DCDC2: variants seen among roughly 807,000 people sequenced by gnomAD.
DCDC2 encodes doublecortin domain-containing protein 2.
DCDC2 carries 40 observed loss-of-function variants against 50.2 expected under a neutral mutation model. The ratio of observed to expected loss-of-function variants is 0.80; its 90% CI spans 0.62 to 1.04. The LOEUF (loss-of-function observed/expected upper bound fraction) is 1.04. Ranked by LOEUF, DCDC2 falls within the 50% of genes least tolerant of loss-of-function variation. DCDC2 has a pLI of 0.00. For missense variants in DCDC2, 570 were observed against 581.9 expected (o/e 0.98, Z 0.21); for synonymous variants, 234 against 210.6 (o/e 1.11, Z -0.96).
chr6:24,302,240 A>G (rs988114835), intron 2 of DCDC2, among the ~76,000 whole-genome samples, 196 bp from the exon 3 acceptor site: 3 of 151,686 alleles, frequency 2.0e-5, no homozygotes, highest in Non-Finnish European at 4.4e-5. Flanking sequence ...AAAGCTCTCA[A>G]GAAAAGAAAG....
At chr6:24,359,826 CT>C (rs1170340115), upstream of DCDC2, among the ~76,000 whole-genome samples, 8 of 152,282 alleles carry the variant, frequency 5.3e-5, no homozygotes, top group East Asian at 3.9e-4. Context: ...TCTAGGACCC[CT>C]AACCCCCTCC....
chr6:24,174,861 G>A, intron 9 of DCDC2, 27 bp from the exon 10 acceptor site: 3 of 1,481,180 alleles, frequency 2.0e-6, no homozygotes, highest in Non-Finnish European at 2.8e-6. Flanking sequence ...CAAAACAAAG[G>A]TATTCAGCTG....
chr6:24,259,058 C>T (rs1039501557), intron 7 of DCDC2, among the ~76,000 whole-genome samples: 5 of 152,252 alleles, frequency 3.3e-5, no homozygotes, highest in Non-Finnish European at 5.9e-5. Context: ...GAACTCCTCT[C>T]CTCTTCCCCC....
At chr6:24,192,374 A>G (rs1290812588) in intron 8 of DCDC2, among the ~76,000 whole-genome samples, 1 of 151,732 alleles carries the variant, frequency 6.6e-6, no homozygotes, top group African/African-American at 2.4e-5. Flanking sequence ...ATCACCCTAC[A>G]GGACACCTCC....
intron 2 of DCDC2, among the ~76,000 whole-genome samples, chr6:24,331,323 CAG>C (rs1759961661): frequency 3.3e-5 from 5 of 149,312 alleles, no homozygotes; most frequent in African/African-American, 5.0e-5. Flanking sequence ...AATTCAGAGA[CAG>C]AGTCTTGCTC....
At chr6:24,359,661 C>T (rs974979710), upstream of DCDC2, among the ~76,000 whole-genome samples, 3 of 146,624 alleles carry the variant, frequency 2.0e-5, no homozygotes, top group African/African-American at 7.6e-5. Flanking sequence ...CTTTGGGAAA[C>T]TGAGGCAGGA....
At chr6:24,274,827 A>C (rs1763317785) in intron 7 of DCDC2, among the ~76,000 whole-genome samples, 1 of 151,844 alleles carries the variant, frequency 6.6e-6, no homozygotes, top group African/African-American at 2.4e-5. Flanking sequence ...CTTTTTTTCT[A>C]ATTCAAATGA....
At chr6:24,382,005 A>AGGCAGGC in the DCDC2 span, among the ~76,000 whole-genome samples, 1,212 of 103,868 alleles carry the variant, frequency 0.012, 13 homozygotes, top group East Asian at 0.058. Context: ...GGAAGGAAGG[A>AGGCAGGC]AGGAAGGCAG....
chr6:24,213,397 C>G (rs1761918543), intron 7 of DCDC2, among the ~76,000 whole-genome samples: 1 of 151,900 alleles, frequency 6.6e-6, no homozygotes, highest in Admixed American at 6.6e-5. Context: ...CAGCATGGTA[C>G]TGGCAAAAAA....
At position 24,178,554 on chromosome 6, in the gene DCDC2, C is replaced by CT; in HGVS notation, c.1101dup (p.Gly368ArgfsTer5). 1 of 1,614,174 alleles carries CT rather than the reference C, an allele frequency of 6.2e-7. No individual in the cohort carries two copies. Among genetic ancestry groups the CT allele is most frequent in the South Asian group, 1.1e-5 (1 of 91,088 alleles). ...TCCTCTTCAAGGTCACCATTCATTC[C>CT]TGAAAAGTCTTCTTTCTGTTCTGCA... On this transcript the variant is annotated frameshift_variant, in exon 9 of 10. Coordinates refer to ENST00000378454, the MANE Select transcript of DCDC2 (RefSeq NM_016356.5). LOFTEE classifies it high-confidence loss of function.
At position 24,279,251 on chromosome 6, in the gene DCDC2, C is replaced by T. The variant is rs573657314; in HGVS notation, c.760-1040G>A. On this transcript the variant is annotated intron_variant, in intron 6 of 9. Transcript: ENST00000378454. ...AGGCATGGTAGCTCCAGCCTGTAGT[C>T]CCAGCTACCTAGGAGGCAGAGGTGG... 2.0e-5 allele frequency among the ~76,000 whole-genome samples: 3 copies of T among 152,202 alleles called. No individual in the cohort carries two copies. In the South Asian group the frequency reaches 6.2e-4, roughly 32 times the overall value.
At chr6:24,208,022 C>G (rs1761760823) in intron 7 of DCDC2, among the ~76,000 whole-genome samples, 1 of 152,186 alleles carries the variant, frequency 6.6e-6, no homozygotes, top group African/African-American at 2.4e-5. Flanking sequence ...ATGAGCCACT[C>G]TACACCCTTA....
chr6:24,301,052 T>TAAA (rs11404583), intron 4 of DCDC2, among the ~76,000 whole-genome samples: 52 of 147,478 alleles, frequency 3.5e-4, no homozygotes, highest in African/African-American at 6.4e-4. Flanking sequence ...ATGACCCCTT[T>TAAA]AAAAAAAAAA....
intron 6 of DCDC2, 125 bp downstream of exon 6, chr6:24,288,727 T>C: frequency 1.3e-6 from 1 of 773,722 alleles, no homozygotes; most frequent in Non-Finnish European, 2.2e-6. Context: ...CTGTTTCACA[T>C]AATTGGTTAT....
At chr6:24,222,040 C>A (rs894011304) in intron 7 of DCDC2, among the ~76,000 whole-genome samples, 4 of 152,170 alleles carry the variant, frequency 2.6e-5, no homozygotes, top group Non-Finnish European at 5.9e-5. Context: ...AATAGTAGGT[C>A]TGGGTGGAGA....
the DCDC2 span, among the ~76,000 whole-genome samples, chr6:24,371,310 A>G: frequency 6.6e-6 from 1 of 151,284 alleles, no homozygotes; most frequent in Non-Finnish European, 1.5e-5. Context: ...AAAAGAAAAA[A>G]AAGAACTAGG....
chr6:24,246,643 C>T (rs9460983), intron 7 of DCDC2, among the ~76,000 whole-genome samples: 21,334 of 151,704 alleles, frequency 0.14, 1,773 homozygotes, highest in African/African-American at 0.23. Context: ...TCAGCCACAA[C>T]GCCCAGCTAC....
intron 7 of DCDC2, among the ~76,000 whole-genome samples, chr6:24,211,993 C>T (rs1020707675): frequency 1.3e-5 from 2 of 152,176 alleles, no homozygotes; most frequent in Non-Finnish European, 2.9e-5. Flanking sequence ...AGGAACTGGG[C>T]TGTACAGCAG....
intron 2 of DCDC2, among the ~76,000 whole-genome samples, chr6:24,347,935 G>T (rs957436931): frequency 5.3e-5 from 8 of 152,118 alleles, no homozygotes; most frequent in Admixed American, 1.3e-4. Flanking sequence ...ACTTAAATTG[G>T]CCCAAAAGGA....
Sources: gnomAD v4.1 joint callset for allele counts (sites outside exome capture counted in the v4.1 genomes callset) on GRCh38, gnomAD v4.1.1 for gene constraint, MANE v1.5 for transcripts, NCBI Gene and HGNC (gene_info 2026-07-23, HGNC 2026-07-21) for gene names.